Variants in PCDH9 observed in about 807,000 individuals in gnomAD.
The protein encoded by PCDH9 is protocadherin 9.
In PCDH9, 24 loss-of-function variants were observed where a neutral mutation model predicts 70.6. That is an observed-to-expected ratio of 0.34 (90% CI 0.25 to 0.48). The LOEUF (loss-of-function observed/expected upper bound fraction) is 0.48, where lower values mean the gene tolerates loss of function less well. Ranked by LOEUF, PCDH9 falls within the 20% of genes least tolerant of loss-of-function variation. PCDH9 has a pLI of 0.99. For missense variants in PCDH9, 1,281 were observed against 1,503.6 expected (o/e 0.85, Z 2.45); for synonymous variants, 562 against 558.5 (o/e 1.01, Z -0.09).
At chr13:66,803,798 A>C (rs557532875) in intron 3 of PCDH9, among the ~76,000 whole-genome samples, 20 of 152,218 alleles carry the variant, frequency 1.3e-4, no homozygotes, top group Admixed American at 9.2e-4. Context: ...TCCTTTGCTT[A>C]GTAAACTATT....
intron 4 of PCDH9, among the ~76,000 whole-genome samples, chr13:66,517,630 T>C (rs1022766213): frequency 5.3e-5 from 8 of 152,262 alleles, no homozygotes; most frequent in Admixed American, 1.3e-4. Context: ...ATGGTTTTCT[T>C]TGTAAGATAA....
intron 3 of PCDH9, among the ~76,000 whole-genome samples, chr13:66,704,809 C>A (rs2078690420): frequency 6.6e-6 from 1 of 152,016 alleles, no homozygotes; most frequent in Non-Finnish European, 1.5e-5. Flanking sequence ...GTGTAAGGCA[C>A]TTAATTTGCT....
chr13:66,824,963 A>G (rs1168193643), intron 3 of PCDH9, among the ~76,000 whole-genome samples: 1 of 151,756 alleles, frequency 6.6e-6, no homozygotes, highest in Non-Finnish European at 1.5e-5. Flanking sequence ...TATTTCTCTT[A>G]CCAGCATAGG....
chr13:66,918,542 A>G (rs1377635563), intron 2 of PCDH9, among the ~76,000 whole-genome samples: 1 of 151,312 alleles, frequency 6.6e-6, no homozygotes, highest in Non-Finnish European at 1.5e-5. Context: ...TACTTAGGCA[A>G]AAATAAAATG....
At chr13:67,012,458 T>C (rs971045109) in intron 2 of PCDH9, among the ~76,000 whole-genome samples, 3 of 151,890 alleles carry the variant, frequency 2.0e-5, no homozygotes, top group African/African-American at 4.8e-5. Flanking sequence ...TAACTTTTCA[T>C]TGATGCAAGA....
chr13:66,736,366 A>G (rs901764699), intron 3 of PCDH9, among the ~76,000 whole-genome samples: 1 of 152,208 alleles, frequency 6.6e-6, no homozygotes, highest in African/African-American at 2.4e-5. Flanking sequence ...GACACCAGGT[A>G]TGCACATTCA....
chr13:67,032,298 C>T (rs7333512), intron 2 of PCDH9, among the ~76,000 whole-genome samples: 16,512 of 151,890 alleles, frequency 0.11, 985 homozygotes, highest in Middle Eastern at 0.16. Flanking sequence ...TGCATGACCC[C>T]ACACATACAA....
chr13:67,074,108 ATCTATCTATCTATCTG>A (rs1323460429), intron 2 of PCDH9, among the ~76,000 whole-genome samples: 4 of 151,684 alleles, frequency 2.6e-5, no homozygotes, highest in African/African-American at 4.8e-5. Flanking sequence ...TTATCTATCT[ATCTATCTATCTATCTG>A]TCTATCTATC....
chr13:66,688,494 T>C (rs2078436930), intron 3 of PCDH9, among the ~76,000 whole-genome samples: 1 of 152,148 alleles, frequency 6.6e-6, no homozygotes, highest in East Asian at 1.9e-4. Context: ...AAAGTGTTAA[T>C]ATATATTATG....
chr13:66,375,836 C>G (rs1037730458), intron 4 of PCDH9, among the ~76,000 whole-genome samples: 1 of 151,998 alleles, frequency 6.6e-6, no homozygotes, highest in Non-Finnish European at 1.5e-5. Flanking sequence ...CTCCATTATT[C>G]CATAGTACAA....
rs1401001924 is a variant in PCDH9, at chr13:66,484,760, ACT to A, written c.3340+146448_3340+146449del. 3.3e-5 allele frequency among the ~76,000 whole-genome samples: 5 copies of A among 152,058 alleles called. No individual in the cohort carries two copies. The South Asian group carries it at 1.0e-3, about 31-fold the overall frequency. On this transcript the variant is annotated intron_variant, in intron 4 of 4. Transcript: ENST00000377865. Reference sequence around the variant, plus strand: ...TGAATTCTTATGTGACTGGATTCAAACTCTGTCCTGGGAATATCGCTTAACTC... The same window carrying A: ...TGAATTCTTATGTGACTGGATTCAAACTGTCCTGGGAATATCGCTTAACTC...
intron 2 of PCDH9, among the ~76,000 whole-genome samples, chr13:66,916,250 T>G (rs1182873686): frequency 1.3e-5 from 2 of 151,632 alleles, no homozygotes; most frequent in African/African-American, 4.8e-5. Flanking sequence ...CTTTGAACTC[T>G]GCTCAATGTT....
At chr13:66,556,969 T>C (rs1331710449) in intron 4 of PCDH9, among the ~76,000 whole-genome samples, 1 of 152,106 alleles carries the variant, frequency 6.6e-6, no homozygotes, top group Non-Finnish European at 1.5e-5. Flanking sequence ...TTCACAAAGA[T>C]AAAGGAGTTA....
Position 66,892,673 on chromosome 13 carries a change from C to T in PCDH9, c.3138+10831G>A, listed in dbSNP as rs554135762. Among the ~76,000 whole-genome samples, 5 of 151,956 alleles carry T rather than the reference C, an allele frequency of 3.3e-5. No homozygotes were observed. In the South Asian group the frequency reaches 6.2e-4, roughly 19 times the overall value. On this transcript the variant is annotated intron_variant, in intron 3 of 4. Coordinates refer to ENST00000377865, the MANE Select transcript of PCDH9 (RefSeq NM_203487.3). The stretch of plus-strand genomic sequence containing the variant: ...AGATATTTTATAAAGGGAAACAATA[C>T]CAAAATCAGGAAGGCTTTAGGCTGT...
intron 3 of PCDH9, among the ~76,000 whole-genome samples, chr13:66,866,354 C>T (rs1427208305): frequency 6.6e-6 from 1 of 151,930 alleles, no homozygotes; most frequent in African/African-American, 2.4e-5. Flanking sequence ...TGGTGGCGGG[C>T]GCCTGTAGTC....
chr13:66,349,786 G>A (rs899275964), intron 4 of PCDH9, among the ~76,000 whole-genome samples: 3 of 152,144 alleles, frequency 2.0e-5, no homozygotes, highest in Non-Finnish European at 4.4e-5. Context: ...TAAGAGAACG[G>A]AGCTCGTGAA....
At chr13:66,978,774 G>A (rs2083675362) in intron 2 of PCDH9, among the ~76,000 whole-genome samples, 1 of 148,020 alleles carries the variant, frequency 6.8e-6, no homozygotes, top group Admixed American at 6.8e-5. Context: ...TATGATTTTT[G>A]GCCTTAACTT....
chr13:66,611,921 A>C (rs1332377058), intron 4 of PCDH9, among the ~76,000 whole-genome samples: 1 of 152,228 alleles, frequency 6.6e-6, no homozygotes. Flanking sequence ...TGTAGCTGGC[A>C]AATAGAAGAG....
chr13:66,873,943 T>TC (rs1026226899), intron 3 of PCDH9, among the ~76,000 whole-genome samples: 1 of 147,550 alleles, frequency 6.8e-6, no homozygotes, highest in Non-Finnish European at 1.5e-5. Flanking sequence ...TTTCTTTCTT[T>TC]TTTTTTTTTT....
Sources: allele counts gnomAD v4.1 joint callset (sites outside exome capture counted in the v4.1 genomes callset), GRCh38; gene constraint gnomAD v4.1.1; transcripts MANE v1.5; gene names NCBI Gene and HGNC (gene_info 2026-07-23, HGNC 2026-07-21).